The following LRRTM4 variants were observed in gnomAD, a reference collection of about 807,000 sequenced individuals.
LRRTM4 encodes leucine-rich repeat transmembrane neuronal protein 4.
A neutral mutation model predicts 47.6 loss-of-function variants in LRRTM4; 25 were observed. That is an observed-to-expected ratio of 0.53 (90% confidence interval 0.38 to 0.73). LRRTM4 has a LOEUF of 0.73. Among genes scored for constraint, LRRTM4 ranks in the 30% least tolerant of loss-of-function variants. LRRTM4 has a pLI of 0.00. For synonymous variants in LRRTM4, 311 were observed against 269.5 expected (o/e 1.15, Z -1.51); for missense variants, 638 against 713.4 (o/e 0.89, Z 1.20).
chr2:76,970,406 C>T (rs1676177590), intron 3 of LRRTM4, among the ~76,000 whole-genome samples: 1 of 151,924 alleles, frequency 6.6e-6, no homozygotes, highest in South Asian at 2.1e-4. Context: ...TCTCAGGATA[C>T]CTCCTTTTGG....
intron 3 of LRRTM4, among the ~76,000 whole-genome samples, chr2:77,086,830 C>T (rs1680733305): frequency 6.6e-6 from 1 of 151,940 alleles, no homozygotes; most frequent in Non-Finnish European, 1.5e-5. Context: ...TTGGTAAAAG[C>T]CTGTTAACCC....
intron 3 of LRRTM4, among the ~76,000 whole-genome samples, chr2:77,397,415 T>A (rs1673746758): frequency 6.6e-6 from 1 of 151,860 alleles, no homozygotes; most frequent in South Asian, 2.1e-4. Context: ...CAGCAGATAG[T>A]GAATCAGTGA....
intron 3 of LRRTM4, among the ~76,000 whole-genome samples, chr2:77,383,469 C>G (rs1673140613): frequency 2.0e-5 from 3 of 151,950 alleles, no homozygotes; most frequent in Admixed American, 1.3e-4. Flanking sequence ...AATCACACCT[C>G]TGCATCTATT....
intron 3 of LRRTM4, among the ~76,000 whole-genome samples, chr2:77,177,597 A>T (rs1448659355): frequency 6.6e-6 from 1 of 152,204 alleles, no homozygotes; most frequent in East Asian, 1.9e-4. Context: ...ACCCATAGTC[A>T]TGAAGAGGTG....
chr2:77,075,757 T>C (rs964182065), intron 3 of LRRTM4, among the ~76,000 whole-genome samples: 6 of 149,234 alleles, frequency 4.0e-5, no homozygotes, highest in Admixed American at 1.3e-4. Flanking sequence ...CTACTAAAAA[T>C]ACAAAAAATT....
chr2:77,160,155 G>A (rs1003556445), intron 3 of LRRTM4, among the ~76,000 whole-genome samples: 3 of 151,980 alleles, frequency 2.0e-5, no homozygotes, highest in African/African-American at 7.3e-5. Context: ...GATTGGCTGT[G>A]TTGAAAATCC....
intron 3 of LRRTM4, among the ~76,000 whole-genome samples, chr2:77,310,933 T>C (rs942652215): frequency 2.4e-4 from 37 of 151,974 alleles, no homozygotes; most frequent in African/African-American, 8.2e-4. Context: ...TACACACACA[T>C]ATATATAGAG....
chr2:76,993,897 C>T (rs1677101791), intron 3 of LRRTM4, among the ~76,000 whole-genome samples: 1 of 151,904 alleles, frequency 6.6e-6, no homozygotes, highest in South Asian at 2.1e-4. Flanking sequence ...AAATTTGGTA[C>T]ATATACACCA....
At chr2:77,333,129 T>C (rs1671031448) in intron 3 of LRRTM4, among the ~76,000 whole-genome samples, 1 of 152,228 alleles carries the variant, frequency 6.6e-6, no homozygotes, top group African/African-American at 2.4e-5. Context: ...GCCATTATTG[T>C]GAGGACTTCC....
chr2:76,974,155 CATATATATAT>C (rs67575216), intron 3 of LRRTM4, among the ~76,000 whole-genome samples: 1 of 128,314 alleles, frequency 7.8e-6, no homozygotes, highest in South Asian at 2.5e-4. Context: ...TATATACATA[CATATATATAT>C]ATACATACAT....
chr2:77,460,309 G>A (rs1164084204), intron 3 of LRRTM4, among the ~76,000 whole-genome samples: 1 of 151,994 alleles, frequency 6.6e-6, no homozygotes, highest in African/African-American at 2.4e-5. Context: ...ATGTGTAGTG[G>A]GAGGAGTCTA....
At chr2:77,006,591 T>C (rs1677659438) in intron 3 of LRRTM4, among the ~76,000 whole-genome samples, 1 of 152,158 alleles carries the variant, frequency 6.6e-6, no homozygotes, top group South Asian at 2.1e-4. Context: ...TATAAGTTGT[T>C]GAGCTGGAGA....
At chr2:77,084,654 A>G (rs1680648109) in intron 3 of LRRTM4, among the ~76,000 whole-genome samples, 1 of 152,082 alleles carries the variant, frequency 6.6e-6, no homozygotes, top group Admixed American at 6.5e-5. Flanking sequence ...CATTGACTAG[A>G]TGTGTTATAT....
chr2:77,270,703 G>T (rs1352348411), intron 3 of LRRTM4, among the ~76,000 whole-genome samples: 1 of 152,098 alleles, frequency 6.6e-6, no homozygotes, highest in South Asian at 2.1e-4. Flanking sequence ...GCATGTCTCT[G>T]GTAAATTCCC....
In LRRTM4 at chr2:77,077,096, G is replaced by T. The variant is rs149811321; in HGVS notation, c.1552-328180C>A. ...TGACAAGCAAAATTTATTTTCCTGT[G>T]TATTAGAATGTACATAGAGTATCAC... On this transcript the variant is annotated intron_variant, in intron 3 of 3. Coordinates refer to ENST00000409884, the MANE Select transcript of LRRTM4 (RefSeq NM_001134745.3). 8.6e-3 allele frequency among the ~76,000 whole-genome samples: 1,308 copies of T among 152,240 alleles called. 9 individuals are homozygous for T. Among genetic ancestry groups the T allele is most frequent in the South Asian group, 0.038 (184 of 4,826 alleles).
chr2:76,904,578 T>A (rs547098562), intron 3 of LRRTM4, among the ~76,000 whole-genome samples: 1 of 152,092 alleles, frequency 6.6e-6, no homozygotes, highest in Non-Finnish European at 1.5e-5. Context: ...TTAGTGGGAG[T>A]ATAGAAAATC....
At chr2:76,937,461 T>A (rs1385543087) in intron 3 of LRRTM4, among the ~76,000 whole-genome samples, 2 of 152,192 alleles carry the variant, frequency 1.3e-5, no homozygotes, top group South Asian at 2.1e-4. Context: ...GAGAACTTGC[T>A]CATCTTTTTA....
intron 3 of LRRTM4, among the ~76,000 whole-genome samples, chr2:77,192,442 G>T (rs1041334800): frequency 6.6e-6 from 1 of 151,684 alleles, no homozygotes; most frequent in Non-Finnish European, 1.5e-5. Context: ...AATTAGTATG[G>T]CATACTATCT....
At chr2:77,508,357 G>A (rs1331295508) in intron 3 of LRRTM4, among the ~76,000 whole-genome samples, 1 of 152,082 alleles carries the variant, frequency 6.6e-6, no homozygotes, top group Non-Finnish European at 1.5e-5. Flanking sequence ...GCTCGTAGAG[G>A]ACAAGTGATT....
Sources: allele counts gnomAD v4.1 joint callset (sites outside exome capture counted in the v4.1 genomes callset), GRCh38; gene constraint gnomAD v4.1.1; transcripts MANE v1.5; gene names NCBI Gene and HGNC (gene_info 2026-07-23, HGNC 2026-07-21).